SCFD2: variants seen among roughly 807,000 people sequenced by gnomAD.
SCFD2 encodes the protein sec1 family domain containing 2.
A neutral mutation model predicts 58.9 loss-of-function variants in SCFD2; 54 were observed. The observed-to-expected ratio is 0.92, with a 90% confidence interval of 0.74 to 1.15. The LOEUF is 1.15. Among genes scored for constraint, SCFD2 ranks in the 50% most tolerant of loss-of-function variants. SCFD2 has a pLI of 0.00. For missense variants in SCFD2, 805 were observed against 836.6 expected, an observed-to-expected ratio of 0.96 and a Z score of 0.47; for synonymous variants, 321 against 335.9, an observed-to-expected ratio of 0.96 and a Z score of 0.49.
chr4:53,027,084 C>A (rs1211766252), intron 5 of SCFD2, among the ~76,000 whole-genome samples: 1 of 152,200 alleles, frequency 6.6e-6, no homozygotes, highest in Non-Finnish European at 1.5e-5. Context: ...ACAGACCTGT[C>A]TTTTGTTGAG....
chr4:53,322,243 G>A (rs994147212), intron 2 of SCFD2, among the ~76,000 whole-genome samples: 7 of 151,994 alleles, frequency 4.6e-5, no homozygotes, highest in Non-Finnish European at 8.8e-5. Context: ...TAAAGAAGCC[G>A]ACCAAAACCC....
chr4:52,945,677 A>G (rs943275032), intron 5 of SCFD2: 1 of 152,236 alleles, frequency 6.6e-6, no homozygotes, highest in Non-Finnish European at 1.5e-5. Context: ...GCAGACAGTT[A>G]CAGCTCCCAC....
At chr4:53,250,251 C>A (rs1387030224) in intron 4 of SCFD2, among the ~76,000 whole-genome samples, 1 of 152,212 alleles carries the variant, frequency 6.6e-6, no homozygotes, top group East Asian at 1.9e-4. Context: ...GAAGAACTAA[C>A]TATCCTAAAT....
chr4:52,939,770 AT>A (rs1372680554), intron 5 of SCFD2, among the ~76,000 whole-genome samples: 2 of 152,234 alleles, frequency 1.3e-5, no homozygotes, highest in Non-Finnish European at 2.9e-5. Context: ...AAGCTAGGAA[AT>A]AAATGAGGAA....
Position 53,151,769 on chromosome 4 carries a change from G to C in SCFD2, c.1312-6187C>G, listed in dbSNP as rs77911400. On this transcript the variant is annotated intron_variant, in intron 4 of 8. Transcript: ENST00000401642. ...GAGGCTTGGTACTTTACGAGGAAAA[G>C]AGATTTATTTGGCTCACAGTTCTGC... Among the ~76,000 whole-genome samples the C allele has an allele frequency of 8.4e-4, 128 of 152,348 alleles. 2 individuals are homozygous for C. In the East Asian group the frequency reaches 0.018, roughly 21 times the overall value.
At chr4:53,203,109 T>C (rs2148969948) in intron 4 of SCFD2, among the ~76,000 whole-genome samples, 1 of 152,330 alleles carries the variant, frequency 6.6e-6, no homozygotes, top group South Asian at 2.1e-4. Flanking sequence ...TGTGCCAGTT[T>C]TCAAAGGGAA....
chr4:53,197,362 CAA>C (rs1728088549), intron 4 of SCFD2, among the ~76,000 whole-genome samples: 1 of 151,910 alleles, frequency 6.6e-6, no homozygotes, highest in African/African-American at 2.4e-5. Context: ...AAGGATTATC[CAA>C]AGTCTTACAG....
At chr4:53,096,053 CATT>C (rs1042846821) in intron 5 of SCFD2, among the ~76,000 whole-genome samples, 2 of 152,120 alleles carry the variant, frequency 1.3e-5, no homozygotes, top group Non-Finnish European at 2.9e-5. Flanking sequence ...ATGAACTCAT[CATT>C]TTTTATGGCT....
chr4:53,055,097 A>G (rs1723286222), intron 5 of SCFD2, among the ~76,000 whole-genome samples: 1 of 152,218 alleles, frequency 6.6e-6, no homozygotes, highest in South Asian at 2.1e-4. Flanking sequence ...TAATTGTGGT[A>G]CCTAACATTT....
chr4:53,022,621 C>T (rs28592856), intron 5 of SCFD2, among the ~76,000 whole-genome samples: 19,289 of 152,084 alleles, frequency 0.13, 1,890 homozygotes, highest in African/African-American at 0.28. Flanking sequence ...CCCTGCTCTG[C>T]GTGGCCTTGG....
At chr4:53,190,285 G>A (rs777208891) in intron 4 of SCFD2, among the ~76,000 whole-genome samples, 23 of 152,152 alleles carry the variant, frequency 1.5e-4, no homozygotes, top group Admixed American at 4.6e-4. Flanking sequence ...TGTGTTTTGT[G>A]TATGTGTCCT....
chr4:53,325,230 A>T (rs1275132120), intron 2 of SCFD2, among the ~76,000 whole-genome samples: 1 of 152,080 alleles, frequency 6.6e-6, no homozygotes, highest in Admixed American at 6.5e-5. Context: ...ACAGTAAAAA[A>T]AAAAAAAAAG....
intron 5 of SCFD2, among the ~76,000 whole-genome samples, chr4:53,090,603 C>T (rs976064593): frequency 6.6e-6 from 1 of 152,178 alleles, no homozygotes; most frequent in African/African-American, 2.4e-5. Context: ...GGAAAGAACA[C>T]TGAGCATGGC....
At chr4:53,078,944 C>T (rs1051521724) in intron 5 of SCFD2, among the ~76,000 whole-genome samples, 5 of 152,246 alleles carry the variant, frequency 3.3e-5, no homozygotes, top group African/African-American at 4.8e-5. Context: ...CTGGTAATTA[C>T]AAATGGTGAT....
intron 5 of SCFD2, among the ~76,000 whole-genome samples, chr4:53,134,845 C>A (rs1385157077): frequency 2.6e-5 from 4 of 152,202 alleles, no homozygotes; most frequent in African/African-American, 9.7e-5. Flanking sequence ...CTGGGAAGCT[C>A]TTCTCATGGA....
intron 4 of SCFD2, among the ~76,000 whole-genome samples, chr4:53,245,143 G>T (rs1285392802): frequency 6.6e-6 from 1 of 151,844 alleles, no homozygotes; most frequent in Non-Finnish European, 1.5e-5. Context: ...AAAAGCCTGG[G>T]ATCAGATGAA....
intron 5 of SCFD2, among the ~76,000 whole-genome samples, chr4:53,043,429 T>C (rs537498220): frequency 6.6e-6 from 1 of 152,346 alleles, no homozygotes; most frequent in African/African-American, 2.4e-5. Flanking sequence ...AAATCAGCCA[T>C]GCTTAATTTT....
intron 4 of SCFD2, among the ~76,000 whole-genome samples, chr4:53,242,061 T>G (rs1347195608): frequency 6.6e-6 from 1 of 152,246 alleles, no homozygotes; most frequent in Non-Finnish European, 1.5e-5. Context: ...TTGCTGCAGC[T>G]GTGAATGCCG....
At chr4:53,264,474 C>T (rs1190112888) in intron 4 of SCFD2, among the ~76,000 whole-genome samples, 1 of 152,072 alleles carries the variant, frequency 6.6e-6, no homozygotes, top group Non-Finnish European at 1.5e-5. Context: ...GTAACAATAC[C>T]CCATGCTGCC....
Sources: gnomAD v4.1 joint callset for allele counts (sites outside exome capture counted in the v4.1 genomes callset) on GRCh38, gnomAD v4.1.1 for gene constraint, MANE v1.5 for transcripts, NCBI Gene and HGNC (gene_info 2026-07-23, HGNC 2026-07-21) for gene names.